The following USP54 variants were observed in gnomAD, a reference collection of about 807,000 sequenced individuals.
USP54 encodes ubiquitin specific peptidase 54, also known as ubiquitin carboxyl-terminal hydrolase 54.
A neutral mutation model predicts 170.5 loss-of-function variants in USP54; 87 were observed. The ratio of observed to expected loss-of-function variants is 0.51; its 90% CI spans 0.43 to 0.61. USP54 has a LOEUF of 0.61. Ranked by LOEUF, USP54 falls within the 20% of genes least tolerant of loss-of-function variation. USP54 has a pLI of 0.00. For missense variants in USP54, 1,786 were observed against 2,047.8 expected, an observed-to-expected ratio of 0.87 and a Z score of 2.47; for synonymous variants, 655 against 742.8, an observed-to-expected ratio of 0.88 and a Z score of 1.92.
chr10:73,546,660 T>C (rs999988580), intron 4 of USP54: 5 of 152,188 alleles, frequency 3.3e-5, no homozygotes, highest in African/African-American at 9.7e-5. Context: ...ATGTAAAAAG[T>C]ATCACACTGA....
chr10:73,523,622 G>C lies in USP54; in HGVS notation c.2323C>G (p.Pro775Ala). 1 of 1,611,692 alleles carries C rather than the reference G, an allele frequency of 6.2e-7. No homozygotes were observed. Among genetic ancestry groups the C allele is most frequent in the Non-Finnish European group, 8.5e-7 (1 of 1,178,266 alleles). Reference protein sequence around the residue: ...LEAAKGFNPHPSRFMDLDELQ... With the variant: ...LEAAKGFNPHASRFMDLDELQ... ...TCATCCAAGTCCATGAAGCGGCTAG[G>C]ATGAGGGTTAAACCCTTTCGCTGCC... The change falls in exon 17 of 24, where the codon CCT (proline) becomes GCT (alanine). Residue 775 changes from proline (P) to alanine (A), a missense_variant. Transcript: ENST00000687698.
intron 1 of USP54, among the ~76,000 whole-genome samples, chr10:73,577,241 C>T (rs538302882): frequency 1.3e-5 from 2 of 152,324 alleles, no homozygotes; most frequent in African/African-American, 4.8e-5. Context: ...TTCCTTCTCA[C>T]CATCATATGC....
intron 20 of USP54, among the ~76,000 whole-genome samples, chr10:73,510,857 T>G (rs1397145538): frequency 6.6e-6 from 1 of 152,306 alleles, no homozygotes; most frequent in East Asian, 1.9e-4. Context: ...CAAAGTACAA[T>G]GAAATTCAGA....
intron 4 of USP54, among the ~76,000 whole-genome samples, chr10:73,559,727 CA>C (rs376045597): frequency 1.7e-3 from 196 of 117,494 alleles, no homozygotes; most frequent in Middle Eastern, 5.2e-3. Context: ...GACTCCATCT[CA>C]AAAAAAAAAA....
At chr10:73,616,051 C>T (rs1229092320) in intron 1 of USP54, among the ~76,000 whole-genome samples, 2 of 150,066 alleles carry the variant, frequency 1.3e-5, no homozygotes, top group Middle Eastern at 3.2e-3. Context: ...ACTAAAAATA[C>T]AGAAATTACT....
rs2061642829 is a variant in USP54, at chr10:73,519,886, A to T, written c.2589T>A (p.Asp863Glu). 6.2e-7 allele frequency: 1 copy of T among 1,614,024 alleles called. No homozygotes were observed. Among genetic ancestry groups the T allele is most frequent in the Admixed American group, 1.7e-5 (1 of 59,994 alleles). Reference protein sequence around the residue: ...ISIRKARSLQDRMQQQQSPQQ... With the variant: ...ISIRKARSLQERMQQQQSPQQ... The stretch of plus-strand genomic sequence containing the variant: ...GTGGTGATTGCTGCTGCTGCATGCG[A>T]TCCTGCAGGCTCCGTGCTTTTCGAA... The change falls in exon 19 of 24, where the codon GAT (aspartate) becomes GAA (glutamate). Residue 863 changes from aspartate (D) to glutamate (E), a missense_variant. Coordinates refer to ENST00000687698, the MANE Select transcript of USP54 (RefSeq NM_001391956.1).
intron 12 of USP54, 92 bp from the exon 13 acceptor site, chr10:73,530,927 A>G: frequency 6.5e-7 from 1 of 1,542,114 alleles, no homozygotes; most frequent in Non-Finnish European, 8.8e-7. Flanking sequence ...GGAGTGCCAC[A>G]AATTTAGAGT....
intron 15 of USP54, among the ~76,000 whole-genome samples, chr10:73,527,194 C>A (rs1252113791): frequency 6.6e-6 from 1 of 152,114 alleles, no homozygotes; most frequent in Non-Finnish European, 1.5e-5. Flanking sequence ...TTCAAAGCAG[C>A]TCTACTATTA....
chr10:73,504,311 A>C (rs1026094991), intron 22 of USP54: 3 of 153,994 alleles, frequency 1.9e-5, no homozygotes, highest in African/African-American at 4.8e-5. Context: ...ATATTATTTA[A>C]GTTTGTTGAT....
intron 4 of USP54, among the ~76,000 whole-genome samples, chr10:73,570,533 ACT>A (rs1425871226): frequency 6.8e-6 from 1 of 147,150 alleles, no homozygotes; most frequent in Non-Finnish European, 1.5e-5. Flanking sequence ...TACTGGCATT[ACT>A]CTCTTTTCCT....
intron 4 of USP54, among the ~76,000 whole-genome samples, chr10:73,548,535 G>A (rs1005956871): frequency 6.6e-6 from 1 of 151,644 alleles, no homozygotes; most frequent in Non-Finnish European, 1.5e-5. Flanking sequence ...ATACACCATG[G>A]AATACTATGC....
Position 73,517,380 on chromosome 10 carries a change from C to T in USP54, c.3046G>A (p.Glu1016Lys). ...TGTTCTTGAGCAATGCCTCTTCCTTCTTGTGGAGGGAGCTTGCTGCAACTG... is the reference window on the plus strand; with the variant it reads ...TGTTCTTGAGCAATGCCTCTTCCTTTTTGTGGAGGGAGCTTGCTGCAACTG... ...NSSCSKLPPQEGRGIAQEQLF... is the reference protein window; with the variant it reads ...NSSCSKLPPQKGRGIAQEQLF... The change falls in exon 20 of 24, where the codon GAA (glutamate) becomes AAA (lysine). Residue 1016 changes from glutamate (E) to lysine (K), a missense_variant. This residue lies in a region of USP54 where 1,418 missense variants were observed against 1,569.0 expected (regional missense o/e 0.90). Coordinates refer to ENST00000687698, the MANE Select transcript of USP54 (RefSeq NM_001391956.1). 1 of 1,613,638 alleles carries T rather than the reference C, an allele frequency of 6.2e-7. No individual in the cohort carries two copies. Among genetic ancestry groups the T allele is most frequent in the Non-Finnish European group, 8.5e-7 (1 of 1,179,736 alleles).
chr10:73,526,501 C>G, intron 16 of USP54, 146 bp downstream of exon 16: 1 of 1,139,972 alleles, frequency 8.8e-7, no homozygotes, highest in South Asian at 1.5e-5. Context: ...CCTGCCTCGG[C>G]CTCCCAAAGT....
At chr10:73,526,909 G>T in intron 15 of USP54, 129 bp from the exon 16 acceptor site, 4 of 1,123,658 alleles carry the variant, frequency 3.6e-6, no homozygotes, top group African/African-American at 1.6e-5. Flanking sequence ...AACTACTTCT[G>T]AAGAATTGAA....
chr10:73,500,171 A>C lies in USP54; in HGVS notation c.4495+484T>G, dbSNP rs117404780. ...CAAAATGATATTGCCCACCTTCCCCACAATTGTCTGGGTCTGTACACATGG... is the reference window on the plus strand; with the variant it reads ...CAAAATGATATTGCCCACCTTCCCCCCAATTGTCTGGGTCTGTACACATGG... On this transcript the variant is annotated intron_variant, in intron 23 of 23. Coordinates refer to ENST00000687698, the MANE Select transcript of USP54 (RefSeq NM_001391956.1). 8.7e-3 allele frequency among the ~76,000 whole-genome samples: 1,327 copies of C among 152,312 alleles called. 13 individuals carry two copies. The highest frequency in any genetic ancestry group is 0.016 in the Non-Finnish European group (1,060 of 68,032).
intron 1 of USP54, among the ~76,000 whole-genome samples, chr10:73,587,480 A>C (rs937386226): frequency 7.3e-5 from 11 of 151,712 alleles, no homozygotes; most frequent in Admixed American, 1.3e-4. Flanking sequence ...ATCTCAAAAA[A>C]AACAAAAAGT....
chr10:73,503,731 GTTTGT>G (rs371778404), intron 22 of USP54, among the ~76,000 whole-genome samples: 5 of 151,988 alleles, frequency 3.3e-5, no homozygotes, highest in African/African-American at 9.7e-5. Flanking sequence ...GGGTTTTTTT[GTTTGT>G]TTTGTTTTGT....
At chr10:73,556,068 T>C (rs990339497) in intron 4 of USP54, among the ~76,000 whole-genome samples, 8 of 152,240 alleles carry the variant, frequency 5.3e-5, no homozygotes, top group Non-Finnish European at 7.4e-5. Context: ...TATTCATACA[T>C]AGGTGATCAA....
At chr10:73,507,809 G>A (rs1465823164) in intron 20 of USP54, among the ~76,000 whole-genome samples, 1 of 151,230 alleles carries the variant, frequency 6.6e-6, no homozygotes, top group African/African-American at 2.4e-5. Context: ...GCAACATAGT[G>A]AGACCCCATC....
Sources: allele counts gnomAD v4.1 joint callset (sites outside exome capture counted in the v4.1 genomes callset), GRCh38; gene constraint gnomAD v4.1.1; regional missense constraint gnomAD v4.1.1; transcripts MANE v1.5; gene names NCBI Gene and HGNC (gene_info 2026-07-23, HGNC 2026-07-21).